The following ELAPOR2 variants were observed in gnomAD, a reference collection of about 807,000 sequenced individuals.
ELAPOR2 encodes endosome-lysosome associated apoptosis and autophagy regulator family member 2.
ELAPOR2 carries 89 observed loss-of-function variants against 120.7 expected under a neutral mutation model. That is an observed-to-expected ratio of 0.74 (90% CI 0.62 to 0.88). The LOEUF (loss-of-function observed/expected upper bound fraction) is 0.88, where lower values mean the gene tolerates loss of function less well. Among genes scored for constraint, ELAPOR2 ranks in the 40% least tolerant of loss-of-function variants. The pLI is 0.00. For synonymous variants in ELAPOR2, 444 were observed against 444.9 expected, an observed-to-expected ratio of 1.00 and a Z score of 0.03; for missense variants, 1,134 against 1,251.6, an observed-to-expected ratio of 0.91 and a Z score of 1.42.
At chr7:87,045,724 A>G (rs1794932587) in intron 1 of ELAPOR2, among the ~76,000 whole-genome samples, 1 of 151,858 alleles carries the variant, frequency 6.6e-6, no homozygotes, top group East Asian at 1.9e-4. Context: ...TAACCTGCAC[A>G]ATGTGCACAT....
intron 19 of ELAPOR2, among the ~76,000 whole-genome samples, chr7:86,896,282 T>C (rs1334832432): frequency 6.6e-6 from 1 of 152,074 alleles, no homozygotes; most frequent in Non-Finnish European, 1.5e-5. Flanking sequence ...TATTTCTGTG[T>C]GTCTAATTTG....
At chr7:86,993,161 G>A (rs1008202727) in intron 1 of ELAPOR2, among the ~76,000 whole-genome samples, 6 of 146,890 alleles carry the variant, frequency 4.1e-5, no homozygotes, top group South Asian at 2.1e-4. Context: ...GCTTGAACCC[G>A]GGAGGCGAAG....
chr7:86,878,394 A>G lies in ELAPOR2; in HGVS notation c.*2077T>C, dbSNP rs778059213. On this transcript the variant is annotated 3_prime_UTR_variant, in exon 22 of 22. Coordinates refer to ENST00000450689, the MANE Select transcript of ELAPOR2 (RefSeq NM_001142749.3). ...AATATATTTAATATCTAAAATTAGA[A>G]ATAAAATAAATTCTCCAATATCAAC... 1 of 152,234 alleles carries G rather than the reference A, an allele frequency of 6.6e-6. No individual in the cohort carries two copies. Among genetic ancestry groups the G allele is most frequent in the Non-Finnish European group, 1.5e-5 (1 of 68,030 alleles). 9.4% of individuals were successfully genotyped at this position (152,234 alleles called of 1,614,324 possible).
chr7:86,965,527 G>A (rs1791872598), intron 1 of ELAPOR2, among the ~76,000 whole-genome samples: 1 of 152,130 alleles, frequency 6.6e-6, no homozygotes, highest in Non-Finnish European at 1.5e-5. Flanking sequence ...AGTTTTTAAA[G>A]CAGCTCTCCC....
At chr7:87,045,709 G>A (rs2129016657) in intron 1 of ELAPOR2, among the ~76,000 whole-genome samples, 1 of 151,722 alleles carries the variant, frequency 6.6e-6, no homozygotes, top group South Asian at 2.1e-4. Context: ...GTATACATAT[G>A]TAACTAACCT....
In ELAPOR2 at chr7:86,908,448, T is replaced by C. The variant is rs374159716; in HGVS notation, c.2455A>G (p.Lys819Glu). 64 of 1,529,304 alleles carry C rather than the reference T, an allele frequency of 4.2e-5. No individual in the cohort carries two copies. Among genetic ancestry groups the C allele is most frequent in the East Asian group, 2.3e-4 (10 of 43,488 alleles). The allele number at this position is 1,529,304 out of a possible 1,614,324, so 94.7% of individuals were successfully genotyped here. The change falls in exon 17 of 22, where the codon AAG becomes GAG. Residue 819 changes from lysine (K) to glutamate (E), a missense_variant and splice_region_variant. This residue lies in a region of ELAPOR2 where 831 missense variants were observed against 867.6 expected (regional missense o/e 0.96). Transcript: ENST00000450689. ...AAGGGAAACAGCATCTTCACTTACT[T>C]ATAAAAGAAATGCACATCTGGTATT... The part of the protein sequence containing the change: ...SQIPDVHFFY[K>E]SSTATTSCIN...
At chr7:86,900,653 A>G (rs953523351) in intron 18 of ELAPOR2, among the ~76,000 whole-genome samples, 2 of 152,216 alleles carry the variant, frequency 1.3e-5, no homozygotes, top group African/African-American at 4.8e-5. Context: ...TTAACTCAAA[A>G]TAGTTTACCT....
At chr7:87,059,151 C>A (rs1190969614) in intron 1 of ELAPOR2, among the ~76,000 whole-genome samples, 174 bp downstream of exon 1, 1 of 152,056 alleles carries the variant, frequency 6.6e-6, no homozygotes, top group Non-Finnish European at 1.5e-5. Flanking sequence ...CACACACCCT[C>A]TCCGGGCCAG....
At chr7:86,914,007 T>A (rs1186987260) in intron 13 of ELAPOR2, among the ~76,000 whole-genome samples, 1 of 152,178 alleles carries the variant, frequency 6.6e-6, no homozygotes, top group Non-Finnish European at 1.5e-5. Context: ...TGGAGTCAAG[T>A]ACAATCTGGG....
At chr7:86,938,496 T>G (rs1381208780) in intron 7 of ELAPOR2, among the ~76,000 whole-genome samples, 1 of 152,044 alleles carries the variant, frequency 6.6e-6, no homozygotes, top group Admixed American at 6.6e-5. Context: ...TGGAACAAAT[T>G]AAAAGTTTCT....
intron 1 of ELAPOR2, among the ~76,000 whole-genome samples, chr7:87,023,856 GCTCT>G (rs1259543770): frequency 6.6e-6 from 1 of 151,944 alleles, no homozygotes; most frequent in East Asian, 1.9e-4. Flanking sequence ...TCATGATTTG[GCTCT>G]CTGTTTGTCT....
intron 1 of ELAPOR2, among the ~76,000 whole-genome samples, chr7:86,972,241 C>G (rs1168759967): frequency 6.6e-6 from 1 of 152,088 alleles, no homozygotes; most frequent in African/African-American, 2.4e-5. Context: ...TTGGTTGTAT[C>G]GCTCATCAGA....
In ELAPOR2 at chr7:86,925,415, G is replaced by T. The variant is rs535072686; in HGVS notation, c.1399+113C>A. The T allele has an allele frequency of 1.1e-4, 119 of 1,055,080 alleles. 2 individuals carry two copies. In the South Asian group the frequency reaches 1.4e-3, roughly 12 times the overall value. The allele number at this position is 1,055,080 out of a possible 1,614,324, so 65.4% of individuals were successfully genotyped here. On this transcript the variant is annotated intron_variant, in intron 10 of 21. Coordinates refer to ENST00000450689, the MANE Select transcript of ELAPOR2 (RefSeq NM_001142749.3). ...CCAGAAGATGGGCAAGCAGCCAAAT[G>T]ATAAGATTGAAGTTCCTCATACCCA...
intron 1 of ELAPOR2, among the ~76,000 whole-genome samples, chr7:86,985,614 G>T (rs1792699013): frequency 6.6e-6 from 1 of 152,074 alleles, no homozygotes; most frequent in Non-Finnish European, 1.5e-5. Context: ...AATAGATGCA[G>T]AAAAGGCCTT....
At chr7:86,997,104 T>G (rs1256690333) in intron 1 of ELAPOR2, among the ~76,000 whole-genome samples, 1 of 152,172 alleles carries the variant, frequency 6.6e-6, no homozygotes, top group Middle Eastern at 3.2e-3. Context: ...TATCCCTATG[T>G]TTAAGGAAGG....
chr7:86,942,993 A>C (rs1168803119), intron 4 of ELAPOR2, among the ~76,000 whole-genome samples: 1 of 152,066 alleles, frequency 6.6e-6, no homozygotes, highest in Non-Finnish European at 1.5e-5. Context: ...ACTAACTAAA[A>C]TATAGACCCT....
At chr7:86,944,767 C>G in intron 4 of ELAPOR2, 132 bp downstream of exon 4, 1 of 622,322 alleles carries the variant, frequency 1.6e-6, no homozygotes, top group East Asian at 3.1e-5. Context: ...CTTTTAACAT[C>G]AAAAGGTTCA....
intron 1 of ELAPOR2, among the ~76,000 whole-genome samples, chr7:87,038,311 C>T (rs777846019): frequency 2.6e-5 from 4 of 152,168 alleles, no homozygotes; most frequent in Non-Finnish European, 4.4e-5. Context: ...ATTCCATATA[C>T]CTTTTTAGGG....
At chr7:86,933,910 T>C (rs1790448638) in intron 8 of ELAPOR2, among the ~76,000 whole-genome samples, 1 of 151,988 alleles carries the variant, frequency 6.6e-6, no homozygotes, top group Admixed American at 6.6e-5. Context: ...TGATCAGTAT[T>C]CTTTTGAGTT....
Sources: allele counts gnomAD v4.1 joint callset (sites outside exome capture counted in the v4.1 genomes callset), GRCh38; gene constraint gnomAD v4.1.1; regional missense constraint gnomAD v4.1.1; transcripts MANE v1.5; gene names NCBI Gene and HGNC (gene_info 2026-07-23, HGNC 2026-07-21).